The following SHISA6 variants were observed in gnomAD, a reference collection of about 807,000 sequenced individuals.
SHISA6 encodes shisa family member 6, also known as protein shisa-6.
SHISA6 carries 22 observed loss-of-function variants against 47.9 expected under a neutral mutation model. The observed-to-expected ratio is 0.46, with a 90% CI of 0.33 to 0.66. The LOEUF (loss-of-function observed/expected upper bound fraction) is 0.66, where lower values mean the gene tolerates loss of function less well. SHISA6 is among the 30% of genes least tolerant of loss of function. The probability of loss-of-function intolerance (pLI) is 0.02; values close to 1 mark genes in which losing one functional copy is unlikely to be tolerated. For synonymous variants in SHISA6, 388 were observed against 337.8 expected (o/e 1.15, Z -1.63); for missense variants, 680 against 764.6 (o/e 0.89, Z 1.30).
At chr17:11,336,357 A>C (rs1469904403) in intron 2 of SHISA6, among the ~76,000 whole-genome samples, 1 of 151,832 alleles carries the variant, frequency 6.6e-6, no homozygotes. Flanking sequence ...GGGTGCTGGG[A>C]GCTTAAAGGG....
At chr17:11,481,204 G>A (rs989880819) in intron 3 of SHISA6, among the ~76,000 whole-genome samples, 2 of 151,816 alleles carry the variant, frequency 1.3e-5, no homozygotes, top group Non-Finnish European at 2.9e-5. Flanking sequence ...ATTTGAACCC[G>A]GGAGGCAGAG....
At chr17:11,440,552 C>G (rs1437039337) in intron 3 of SHISA6, among the ~76,000 whole-genome samples, 2 of 150,844 alleles carry the variant, frequency 1.3e-5, no homozygotes, top group Non-Finnish European at 3.0e-5. Flanking sequence ...CTTAGTCTAT[C>G]ACTTGCCTGT....
chr17:11,261,579 G>A (rs963437788), intron 1 of SHISA6, among the ~76,000 whole-genome samples: 6 of 152,234 alleles, frequency 3.9e-5, no homozygotes, highest in African/African-American at 1.2e-4. Context: ...CTTTTATGGT[G>A]TGCTTCTTTC....
intron 3 of SHISA6, among the ~76,000 whole-genome samples, chr17:11,548,564 G>A (rs1357752081): frequency 6.6e-6 from 1 of 151,914 alleles, no homozygotes; most frequent in African/African-American, 2.4e-5. Flanking sequence ...TTCAACATGA[G>A]GAAATCTATC....
intron 3 of SHISA6, among the ~76,000 whole-genome samples, chr17:11,409,058 T>C (rs926433717): frequency 6.6e-6 from 1 of 152,156 alleles, no homozygotes; most frequent in Non-Finnish European, 1.5e-5. Context: ...ACTGAAATGA[T>C]TTTTTCAAGC....
At chr17:11,423,255 A>ATAATAT (rs1555534323) in intron 3 of SHISA6, among the ~76,000 whole-genome samples, 1 of 144,012 alleles carries the variant, frequency 6.9e-6, no homozygotes, top group African/African-American at 2.6e-5. Context: ...ATATATATAT[A>ATAATAT]ATATATATAT....
intron 3 of SHISA6, among the ~76,000 whole-genome samples, chr17:11,445,835 T>C (rs60276941): frequency 0.16 from 23,923 of 152,152 alleles, 2,287 homozygotes; most frequent in African/African-American, 0.25. Flanking sequence ...CCTTTCTTTC[T>C]TTTATTTTTT....
At chr17:11,249,300 G>A (rs995103410) in intron 1 of SHISA6, among the ~76,000 whole-genome samples, 26 of 151,900 alleles carry the variant, frequency 1.7e-4, no homozygotes, top group African/African-American at 2.9e-4. Flanking sequence ...GTGTGTGTGC[G>A]CGTGCGTGTG....
intron 3 of SHISA6, among the ~76,000 whole-genome samples, chr17:11,397,395 C>CTGTGTG (rs3034221): frequency 0.21 from 29,256 of 140,274 alleles, 3,077 homozygotes; most frequent in Middle Eastern, 0.27. Flanking sequence ...TTACCTGCCT[C>CTGTGTG]TGTGTGTGTG....
intron 3 of SHISA6, among the ~76,000 whole-genome samples, chr17:11,523,942 G>T (rs2071653176): frequency 6.6e-6 from 1 of 151,888 alleles, no homozygotes; most frequent in Non-Finnish European, 1.5e-5. Context: ...GGAGGCAGAG[G>T]TTGCAGTGAG....
At chr17:11,366,279 C>A (rs1226134255) in intron 2 of SHISA6, among the ~76,000 whole-genome samples, 1 of 152,200 alleles carries the variant, frequency 6.6e-6, no homozygotes, top group Non-Finnish European at 1.5e-5. Flanking sequence ...TCCTGAGTAG[C>A]TGGGACTACA....
At chr17:11,367,433 G>A (rs1404874864) in intron 2 of SHISA6, among the ~76,000 whole-genome samples, 3 of 152,138 alleles carry the variant, frequency 2.0e-5, no homozygotes, top group African/African-American at 7.2e-5. Context: ...GAGTTGAAGG[G>A]CACAGAGAAC....
intron 2 of SHISA6, among the ~76,000 whole-genome samples, chr17:11,311,140 G>C (rs1360951133): frequency 6.7e-6 from 1 of 148,520 alleles, no homozygotes; most frequent in African/African-American, 2.5e-5. Context: ...AAATTAGCCG[G>C]GTGTGGTGGC....
At chr17:11,433,553 G>A (rs941706574) in intron 3 of SHISA6, among the ~76,000 whole-genome samples, 5 of 152,122 alleles carry the variant, frequency 3.3e-5, no homozygotes, top group East Asian at 3.9e-4. Flanking sequence ...ACATGTGTGT[G>A]TTCAACCATT....
intron 3 of SHISA6, among the ~76,000 whole-genome samples, chr17:11,472,213 T>A (rs531775744): frequency 6.6e-6 from 1 of 152,306 alleles, no homozygotes; most frequent in South Asian, 2.1e-4. Context: ...TGTCTTCTTT[T>A]ACTTGGTAAT....
intron 3 of SHISA6, among the ~76,000 whole-genome samples, chr17:11,383,334 A>C (rs1597486194): frequency 6.6e-6 from 1 of 152,298 alleles, no homozygotes; most frequent in East Asian, 1.9e-4. Context: ...CCTGGGGGTA[A>C]GAATGCATAT....
chr17:11,421,684 G>A (rs559236593), intron 3 of SHISA6, among the ~76,000 whole-genome samples: 17 of 152,308 alleles, frequency 1.1e-4, no homozygotes, highest in African/African-American at 3.8e-4. Flanking sequence ...TCTTCCCTCA[G>A]TTGCTGCCTG....
intron 3 of SHISA6, among the ~76,000 whole-genome samples, chr17:11,419,690 A>C (rs78596360): frequency 1.5e-4 from 23 of 152,350 alleles, no homozygotes; most frequent in African/African-American, 5.0e-4. Context: ...CTGTACATGT[A>C]ATCAGATAAA....
chr17:11,389,753 C>G (rs1281373902), intron 3 of SHISA6, among the ~76,000 whole-genome samples: 6 of 152,200 alleles, frequency 3.9e-5, no homozygotes, highest in Admixed American at 3.9e-4. Context: ...AATCTCTCCT[C>G]CTGGCACTGG....
Sources: allele counts gnomAD v4.1 joint callset (sites outside exome capture counted in the v4.1 genomes callset), GRCh38; gene constraint gnomAD v4.1.1; transcripts MANE v1.5; gene names NCBI Gene and HGNC (gene_info 2026-07-23, HGNC 2026-07-21).